Variants in PEBP4 observed in about 807,000 individuals in gnomAD.
PEBP4 encodes the protein phosphatidylethanolamine-binding protein 4.
In PEBP4, 22 loss-of-function variants were observed where a neutral mutation model predicts 23.9. The ratio of observed to expected loss-of-function variants is 0.92; its 90% CI spans 0.66 to 1.31. PEBP4 has a LOEUF of 1.31. Among genes scored for constraint, PEBP4 ranks in the 40% most tolerant of loss-of-function variants. The pLI is 0.00. For synonymous variants in PEBP4, 112 were observed against 99.3 expected, an observed-to-expected ratio of 1.13 and a Z score of -0.76; for missense variants, 324 against 281.7, an observed-to-expected ratio of 1.15 and a Z score of -1.07.
At chr8:22,765,696 G>GTGT (rs773943496) in intron 4 of PEBP4, among the ~76,000 whole-genome samples, 5 of 152,280 alleles carry the variant, frequency 3.3e-5, no homozygotes, top group African/African-American at 4.8e-5. Flanking sequence ...GCATGTGAGT[G>GTGT]TGTGTATAGG....
chr8:22,917,138 G>A (rs1349262787), intron 3 of PEBP4, among the ~76,000 whole-genome samples: 3 of 144,958 alleles, frequency 2.1e-5, no homozygotes, highest in Admixed American at 6.9e-5. Flanking sequence ...AGGGGGGGGT[G>A]TTCCCAGGCA....
chr8:22,898,105 C>T (rs1232731426), intron 3 of PEBP4, among the ~76,000 whole-genome samples: 1 of 152,114 alleles, frequency 6.6e-6, no homozygotes, highest in Non-Finnish European at 1.5e-5. Context: ...TAATGCCACC[C>T]AGCCAGCCAG....
intron 2 of PEBP4, chr8:22,924,560 A>G (rs1199259173): frequency 1.5e-6 from 1 of 653,628 alleles, no homozygotes. Context: ...GCACTACAAC[A>G]GGTAGGGTTG....
At chr8:22,897,825 G>A (rs1585331024) in intron 3 of PEBP4, 1 of 152,182 alleles carries the variant, frequency 6.6e-6, no homozygotes, top group East Asian at 1.9e-4. Flanking sequence ...AAATTCCTAT[G>A]TTGAAGCCCT....
chr8:22,940,273 G>T (rs1022600514), intron 1 of PEBP4, among the ~76,000 whole-genome samples: 1 of 152,156 alleles, frequency 6.6e-6, no homozygotes, highest in African/African-American at 2.4e-5. Context: ...CAGAAGTAAG[G>T]CCTGCCTGAA....
chr8:22,754,349 C>T lies in PEBP4; in HGVS notation c.358-27129G>A, dbSNP rs564032559. 2.6e-5 allele frequency among the ~76,000 whole-genome samples: 4 copies of T among 152,336 alleles called. No individual in the cohort carries two copies. In the East Asian group the frequency reaches 7.7e-4, roughly 29 times the overall value. ...AGAGACCTTGTCTCTGTGACTGAAT[C>T]CTCACTCTGTAGACGTGTGTTGAGT... On this transcript the variant is annotated intron_variant, in intron 4 of 6. Coordinates refer to ENST00000256404, the MANE Select transcript of PEBP4 (RefSeq NM_144962.3).
chr8:22,720,154 G>A (rs924444460), intron 6 of PEBP4, among the ~76,000 whole-genome samples: 1 of 152,238 alleles, frequency 6.6e-6, no homozygotes, highest in Admixed American at 6.5e-5. Flanking sequence ...CATGGTGGAA[G>A]GGGGGCCGCC....
chr8:22,817,601 C>A, intron 4 of PEBP4, 36 bp downstream of exon 4: 1 of 1,576,010 alleles, frequency 6.3e-7, no homozygotes, highest in Non-Finnish European at 8.7e-7. Flanking sequence ...AGATACAACC[C>A]CAAATGCGTC....
intron 4 of PEBP4, among the ~76,000 whole-genome samples, chr8:22,744,230 C>A (rs895164415): frequency 6.6e-6 from 1 of 152,182 alleles, no homozygotes; most frequent in East Asian, 1.9e-4. Context: ...TGGGGGATGC[C>A]CAGGGAGTCT....
chr8:22,927,222 G>A (rs11135687), intron 2 of PEBP4, among the ~76,000 whole-genome samples: 23,694 of 152,024 alleles, frequency 0.16, 1,964 homozygotes, highest in South Asian at 0.24. Flanking sequence ...GGGGTTCTGG[G>A]GAGAGGGGGC....
At chr8:22,854,926 A>ATGTGTG (rs113480248) in intron 3 of PEBP4, among the ~76,000 whole-genome samples, 2,974 of 133,254 alleles carry the variant, frequency 0.022, 107 homozygotes, top group African/African-American at 0.075. Flanking sequence ...TGAGATTAGA[A>ATGTGTG]TGTGTGTGTG....
At chr8:22,722,939 ATTT>A (rs373079543) in intron 6 of PEBP4, among the ~76,000 whole-genome samples, 2 of 145,202 alleles carry the variant, frequency 1.4e-5, no homozygotes, top group African/African-American at 2.5e-5. Context: ...CGCTGGGCTA[ATTT>A]TTTTTTTTTT....
intron 3 of PEBP4, among the ~76,000 whole-genome samples, chr8:22,869,425 G>A (rs1807965995): frequency 6.6e-6 from 1 of 152,218 alleles, no homozygotes; most frequent in Admixed American, 6.5e-5. Flanking sequence ...TGCGTCCTCA[G>A]GACTTAGTGC....
At chr8:22,940,853 CGT>C (rs1278666478) in intron 1 of PEBP4, among the ~76,000 whole-genome samples, 1 of 152,166 alleles carries the variant, frequency 6.6e-6, no homozygotes, top group East Asian at 1.9e-4. Flanking sequence ...TCTCCTCTCT[CGT>C]AGCAAATTCC....
At chr8:22,877,070 T>G (rs912721914) in intron 3 of PEBP4, among the ~76,000 whole-genome samples, 12 of 152,318 alleles carry the variant, frequency 7.9e-5, no homozygotes, top group Non-Finnish European at 1.5e-4. Context: ...TTCAGGGAGT[T>G]TATTCCACCC....
At chr8:22,899,479 G>A (rs55750080) in intron 3 of PEBP4, among the ~76,000 whole-genome samples, 22,134 of 152,236 alleles carry the variant, frequency 0.15, 1,819 homozygotes, top group East Asian at 0.2. Flanking sequence ...TTTGCAGGGG[G>A]CAAAAGAAGT....
intron 3 of PEBP4, among the ~76,000 whole-genome samples, chr8:22,864,383 T>A (rs758987646): frequency 6.6e-5 from 10 of 152,120 alleles, no homozygotes; most frequent in Non-Finnish European, 1.2e-4. Context: ...CCTCTTCAGC[T>A]CTTTGAGGAC....
At chr8:22,915,795 C>T (rs1030859844) in intron 3 of PEBP4, among the ~76,000 whole-genome samples, 14 of 152,154 alleles carry the variant, frequency 9.2e-5, no homozygotes, top group African/African-American at 2.4e-4. Context: ...TTGGGAGCCC[C>T]GTGTCCTTCC....
At chr8:22,846,019 G>A (rs537605289) in intron 3 of PEBP4, among the ~76,000 whole-genome samples, 1 of 152,370 alleles carries the variant, frequency 6.6e-6, no homozygotes, top group African/African-American at 2.4e-5. Context: ...CAGCCGCTAA[G>A]TGGGGGTACA....
Sources: allele counts gnomAD v4.1 joint callset (sites outside exome capture counted in the v4.1 genomes callset), GRCh38; gene constraint gnomAD v4.1.1; transcripts MANE v1.5; gene names NCBI Gene and HGNC (gene_info 2026-07-23, HGNC 2026-07-21).